TNRC18: variants seen among roughly 807,000 people sequenced by gnomAD.
The protein encoded by TNRC18 is trinucleotide repeat containing 18.
In TNRC18, 69 loss-of-function variants were observed where a neutral mutation model predicts 226.7. The ratio of observed to expected loss-of-function variants is 0.30; its 90% confidence interval spans 0.25 to 0.37. The LOEUF (loss-of-function observed/expected upper bound fraction) is 0.37. TNRC18 is among the 10% of genes least tolerant of loss of function. TNRC18 has a pLI of 1.00. For missense variants in TNRC18, 4,754 were observed against 4,256.6 expected (o/e 1.12, Z -3.25); for synonymous variants, 2,449 against 1,927.6 (o/e 1.27, Z -7.09).
chr7:5,369,658 C>T (rs1185261951), intron 11 of TNRC18, among the ~76,000 whole-genome samples: 1 of 152,190 alleles, frequency 6.6e-6, no homozygotes, highest in Non-Finnish European at 1.5e-5. Flanking sequence ...GACTTGGTTT[C>T]TTGGCTTGAA....
chr7:5,360,207 A>T lies in TNRC18; in HGVS notation c.4662-638T>A, dbSNP rs139606214. ...CAAACGTTTGCTGCTGCTGTATTTT[A>T]TTTATTTATTTATTTATTTATTTAT... On this transcript the variant is annotated intron_variant, in intron 14 of 29. Transcript: ENST00000430969. Among the ~76,000 whole-genome samples, 447 of 124,508 alleles carry T rather than the reference A, an allele frequency of 3.6e-3. 5 individuals are homozygous for T. Among genetic ancestry groups the T allele is most frequent in the African/African-American group, 0.012 (421 of 35,190 alleles). 81.7% of individuals were successfully genotyped at this position (124,508 alleles called of 152,430 possible).
chr7:5,377,709 C>A lies in TNRC18; in HGVS notation c.2256-133G>T. The A allele has an allele frequency of 9.0e-7, 1 of 1,111,648 alleles. No individual in the cohort carries two copies. Among genetic ancestry groups the A allele is most frequent in the Non-Finnish European group, 1.3e-6 (1 of 780,136 alleles). The allele number at this position is 1,111,648 out of a possible 1,614,324, so 68.9% of individuals were successfully genotyped here. On this transcript the variant is annotated intron_variant, in intron 6 of 29. Transcript: ENST00000430969. This position sits in a 1 kb window ranked among gnomAD's most constrained non-coding sequence, Gnocchi z 5.8. ...ACAACCACTGCTCGGAACTGAAGGG[C>A]CTCCCGGGGCCTTCCACACTCACTG...
intron 5 of TNRC18, among the ~76,000 whole-genome samples, chr7:5,382,591 C>T (rs1033000601): frequency 6.6e-6 from 1 of 152,128 alleles, no homozygotes; most frequent in East Asian, 1.9e-4. Flanking sequence ...AGGCTTGTCA[C>T]CAACACCATG....
In TNRC18 at chr7:5,307,540, C is replaced by T. The variant is rs1292856938; in HGVS notation, c.*566G>A. ...CACTCCGGGCTGCAACCCCACCCGG[C>T]TCTGTTCCCCAAGTCTAGGCCATCC... On this transcript the variant is annotated 3_prime_UTR_variant, in exon 30 of 30. Coordinates refer to ENST00000430969, the MANE Select transcript of TNRC18 (RefSeq NM_001080495.3). 2 of 450,118 alleles carry T rather than the reference C, an allele frequency of 4.4e-6. No individual in the cohort carries two copies. Among genetic ancestry groups the T allele is most frequent in the Non-Finnish European group, 4.5e-6 (1 of 224,494 alleles). The allele number at this position is 450,118 out of a possible 1,614,324, so 27.9% of individuals were successfully genotyped here.
chr7:5,388,127 C>A lies in TNRC18; in HGVS notation c.1697G>T (p.Gly566Val), dbSNP rs774114494. ...AVLPRSAATCGRPVADMHSAA... is the reference protein window; with the variant it reads ...AVLPRSAATCVRPVADMHSAA... The stretch of plus-strand genomic sequence containing the variant: ...AGAGTGCATGTCAGCGACCGGCCGG[C>A]CGCAGGTGGCCGCCGAGCGGGGCAG... Residue 566 changes from glycine to valine, a missense_variant, in exon 5 of 30, where the codon GGC becomes GTC. Coordinates refer to ENST00000430969, the MANE Select transcript of TNRC18 (RefSeq NM_001080495.3). 96 of 1,555,148 alleles carry A rather than the reference C, an allele frequency of 6.2e-5. No homozygotes were observed. The highest frequency in any genetic ancestry group is 8.3e-5 in the Non-Finnish European group (96 of 1,150,864).
At position 5,388,963 on chromosome 7, in the gene TNRC18, G is replaced by A. The variant is rs1159842088; in HGVS notation, c.861C>T (p.Gly287=). ...GCGCGGGCAGCCCCACGTCCCCGGC[G>A]CCGCCGTTGCACATGGTCAGTACCG... The part of the protein sequence containing the change: ...QPSVLTMCNG[G]AGDVGLPALV... The change falls in exon 5 of 30, where the codon GGC becomes GGT. Residue 287 remains glycine (G), a synonymous_variant. Transcript: ENST00000430969. The A allele has an allele frequency of 1.2e-5, 17 of 1,386,614 alleles. No homozygotes were observed. In the East Asian group the frequency reaches 3.3e-4, roughly 27 times the overall value. 85.9% of individuals were successfully genotyped at this position (1,386,614 alleles called of 1,614,324 possible).
intron 16 of TNRC18, among the ~76,000 whole-genome samples, chr7:5,353,303 G>A (rs1413647977): frequency 6.6e-6 from 1 of 152,194 alleles, no homozygotes; most frequent in Non-Finnish European, 1.5e-5. Flanking sequence ...TTGGGAGGCT[G>A]AGGCGGGCAG....
Position 5,340,746 on chromosome 7 carries a change from GAAAAA to G in TNRC18, c.5719+4811_5719+4815del, listed in dbSNP as rs61462662. On this transcript the variant is annotated intron_variant, in intron 18 of 29. Transcript: ENST00000430969. ...CAACAGAGTGAGACTCCATCTCAGA[GAAAAA>G]AAAAAAAAGAAAAGGAAAGAAGCCG... is the stretch of plus-strand genomic sequence containing the variant. Among the ~76,000 whole-genome samples, 443 of 144,882 alleles carry G rather than the reference GAAAAA, an allele frequency of 3.1e-3. 4 individuals are homozygous for G. The highest frequency in any genetic ancestry group is 4.1e-3 in the Non-Finnish European group (272 of 66,170).
intron 19 of TNRC18, chr7:5,325,607 G>A (rs985111000): frequency 8.0e-6 from 2 of 251,052 alleles, no homozygotes; most frequent in Non-Finnish European, 1.5e-5. Flanking sequence ...TGTATTTTCA[G>A]TAGAGACGGG....
chr7:5,335,605 G>GAAAA (rs60546145), intron 18 of TNRC18, among the ~76,000 whole-genome samples: 1 of 126,810 alleles, frequency 7.9e-6, no homozygotes, highest in Non-Finnish European at 1.6e-5. Flanking sequence ...ACTCCGTCTA[G>GAAAA]AAAAAAAAAA....
In TNRC18 at chr7:5,320,332, C is replaced by A; in HGVS notation, c.6731G>T (p.Gly2244Val). The change falls in exon 24 of 30, where the codon GGC becomes GTC. Residue 2244 changes from glycine (G) to valine (V), a missense_variant. Coordinates refer to ENST00000430969, the MANE Select transcript of TNRC18 (RefSeq NM_001080495.3). ...AGGCATCTCACCTCGGACCACAGTG[C>A]CTGGGTAGAGACAGCGGTACTGCTG... Reference protein sequence around the residue: ...WSQQYRCLYPGTVVRGLLDLE... With the variant: ...WSQQYRCLYPVTVVRGLLDLE... 1 of 1,554,306 alleles carries A rather than the reference C, an allele frequency of 6.4e-7. No individual in the cohort carries two copies. The highest frequency in any genetic ancestry group is 8.7e-7 in the Non-Finnish European group (1 of 1,148,714).
intron 11 of TNRC18, among the ~76,000 whole-genome samples, chr7:5,368,711 G>A (rs1793875610): frequency 6.6e-6 from 1 of 151,230 alleles, no homozygotes; most frequent in Admixed American, 6.6e-5. Context: ...GGGCAGGGCA[G>A]GTTACAGAAC....
At chr7:5,339,583 C>T (rs1454408238) in intron 18 of TNRC18, among the ~76,000 whole-genome samples, 1 of 128,994 alleles carries the variant, frequency 7.8e-6, no homozygotes, top group Non-Finnish European at 1.6e-5. Flanking sequence ...GTGTGTTTTT[C>T]GACAGAGTGT....
Position 5,361,899 on chromosome 7 carries a change from G to C in TNRC18, c.4530C>G (p.Ser1510=). The change falls in exon 13 of 30, where the codon TCC becomes TCG. Residue 1510 remains serine (S), a splice_region_variant and synonymous_variant. Coordinates refer to ENST00000430969, the MANE Select transcript of TNRC18 (RefSeq NM_001080495.3). ...GGGCGGGCGGGGGACACACTCACTC[G>C]GAGTCCCGGCGGCGCTGCAGCTTCA... The part of the protein sequence containing the change: ...ELVKLQRRRD[S]EDRREEPHRS... 6.4e-7 allele frequency: 1 copy of C among 1,561,094 alleles called. No individual in the cohort carries two copies. The highest frequency in any genetic ancestry group is 8.7e-7 in the Non-Finnish European group (1 of 1,155,064).
At chr7:5,356,779 C>T (rs992858838) in intron 16 of TNRC18, 137 bp downstream of exon 16, 6 of 1,260,766 alleles carry the variant, frequency 4.8e-6, no homozygotes, top group Non-Finnish European at 3.2e-6. Flanking sequence ...CAAGCTCAGG[C>T]ACTGTAGTGC....
Position 5,312,844 on chromosome 7 carries a change from C to CGT in TNRC18, c.8045_8046dup (p.Asp2683ThrfsTer119), listed in dbSNP as rs1189703294. 1 of 1,525,024 alleles carries CGT rather than the reference C, an allele frequency of 6.6e-7. No homozygotes were observed. The highest frequency in any genetic ancestry group is 8.8e-7 in the Non-Finnish European group (1 of 1,137,008). The allele number at this position is 1,525,024 out of a possible 1,614,324, so 94.5% of individuals were successfully genotyped here. On this transcript the variant is annotated frameshift_variant, in exon 27 of 30. Coordinates refer to ENST00000430969, the MANE Select transcript of TNRC18 (RefSeq NM_001080495.3). LOFTEE classifies it high-confidence loss of function. This position sits in a 1 kb window ranked among gnomAD's most constrained non-coding sequence, Gnocchi z 6.3. ...GCCGTGGGGGCGGGGGCTGCCTCAT[C>CGT]GTCCGAGCTGCAGGAAGAGTCCTCG...
intron 2 of TNRC18, among the ~76,000 whole-genome samples, chr7:5,417,697 G>C (rs1224804474): frequency 1.3e-5 from 2 of 152,160 alleles, no homozygotes; most frequent in Non-Finnish European, 2.9e-5. Flanking sequence ...CTGGGGTTGG[G>C]AGCTGAAGAA....
chr7:5,345,209 A>C (rs1271001029), intron 18 of TNRC18, among the ~76,000 whole-genome samples: 2 of 152,150 alleles, frequency 1.3e-5, no homozygotes, highest in Non-Finnish European at 2.9e-5. Flanking sequence ...CACGGGCCAG[A>C]CTGGGTGTCA....
intron 2 of TNRC18, among the ~76,000 whole-genome samples, chr7:5,412,506 G>A (rs1209196714): frequency 3.3e-5 from 5 of 152,008 alleles, no homozygotes; most frequent in Non-Finnish European, 4.4e-5. Flanking sequence ...AACCCGGGAG[G>A]TGGAGGTTGC....
Sources: gnomAD v4.1 joint callset for allele counts (sites outside exome capture counted in the v4.1 genomes callset) on GRCh38, gnomAD v4.1.1 for gene constraint, Gnocchi (gnomAD v3.1) non-coding constraint, MANE v1.5 for transcripts, NCBI Gene and HGNC (gene_info 2026-07-23, HGNC 2026-07-21) for gene names.